The following P4HA2 variants were observed in gnomAD, a reference collection of about 807,000 sequenced individuals.
The protein encoded by P4HA2 is prolyl 4-hydroxylase subunit alpha 2, also known as prolyl 4-hydroxylase subunit alpha-2.
In P4HA2, 46 loss-of-function variants were observed where a neutral mutation model predicts 76.9. That is an observed-to-expected ratio of 0.60 (90% CI 0.47 to 0.76). The LOEUF (loss-of-function observed/expected upper bound fraction) is 0.76. Among genes scored for constraint, P4HA2 ranks in the 30% least tolerant of loss-of-function variants. The pLI is 0.00. For synonymous variants in P4HA2, 243 were observed against 254.0 expected (o/e 0.96, Z 0.41); for missense variants, 583 against 669.4 (o/e 0.87, Z 1.42).
chr5:132,201,892 C>T (rs1751544100), intron 10 of P4HA2: 2 of 152,390 alleles, frequency 1.3e-5, no homozygotes, highest in Non-Finnish European at 2.9e-5. Flanking sequence ...GTCTACTCAG[C>T]CTCTTGGTCC....
Position 132,209,305 on chromosome 5 carries a change from T to A in P4HA2, c.736A>T (p.Asn246Tyr), listed in dbSNP as rs758816951. 1.2e-6 allele frequency: 2 copies of A among 1,613,934 alleles called. No individual in the cohort carries two copies. Among genetic ancestry groups the A allele is most frequent in the East Asian group, 4.5e-5 (2 of 44,872 alleles). Residue 246 changes from asparagine (N) to tyrosine (Y), a missense_variant, in exon 7 of 15, where the codon AAT becomes TAT. Asn to Tyr is a moderately radical substitution (Grantham distance 143). Transcript: ENST00000360568. Reference protein sequence around the residue: ...LDPSHERAGGNLRYFEQLLEE... With the variant: ...LDPSHERAGGYLRYFEQLLEE... ...AATAACTGCTCAAAGTACCGCAGATTCCCTCCAGCTCGTTCGTGGCTTGGG... is the reference window on the plus strand; with the variant it reads ...AATAACTGCTCAAAGTACCGCAGATACCCTCCAGCTCGTTCGTGGCTTGGG...
chr5:132,224,104 T>C (rs2126640173), intron 1 of P4HA2, among the ~76,000 whole-genome samples: 1 of 152,334 alleles, frequency 6.6e-6, no homozygotes, highest in Middle Eastern at 3.4e-3. Context: ...ACATGGTCCC[T>C]TAAGTTCAGA....
At chr5:132,221,114 C>G (rs565239863) in intron 1 of P4HA2, among the ~76,000 whole-genome samples, 1 of 152,304 alleles carries the variant, frequency 6.6e-6, no homozygotes, top group South Asian at 2.1e-4. Flanking sequence ...GTGGGAAAGG[C>G]CAACCTCCAA....
chr5:132,227,643 T>C (rs1336384653), intron 1 of P4HA2, 147 bp downstream of exon 1: 2 of 152,672 alleles, frequency 1.3e-5, no homozygotes, highest in Non-Finnish European at 2.9e-5. Flanking sequence ...ACTGCGCTGC[T>C]GGCGGCTAGC....
chr5:132,201,582 C>T (rs904609083), intron 10 of P4HA2: 2 of 152,248 alleles, frequency 1.3e-5, no homozygotes, highest in South Asian at 2.1e-4. Context: ...AAGGAAATGT[C>T]GAGACAGTTC....
At position 132,217,300 on chromosome 5, in the gene P4HA2, A is replaced by G; in HGVS notation, c.228T>C (p.Ala76=). The part of the protein sequence containing the change: ...EALTSKSAAD[A]EGYLAHPVNA... ...TCACAGGGTGAGCCAGGTAGCCCTC[A>G]GCATCAGCAGCTGACTTGCTAGTCA... The change falls in exon 4 of 15, where the codon GCT becomes GCC. Residue 76 remains alanine (A), a synonymous_variant. Transcript: ENST00000360568. 1.2e-6 allele frequency: 2 copies of G among 1,614,204 alleles called. No individual in the cohort carries two copies. Among genetic ancestry groups the G allele is most frequent in the South Asian group, 1.1e-5 (1 of 91,090 alleles).
At chr5:132,211,453 A>G (rs1470106190) in intron 5 of P4HA2, among the ~76,000 whole-genome samples, 2 of 152,216 alleles carry the variant, frequency 1.3e-5, no homozygotes, top group Non-Finnish European at 2.9e-5. Context: ...GGCTGACACA[A>G]AAGAACTCAG....
In P4HA2 at chr5:132,198,937, G is replaced by T; in HGVS notation, c.1252-5C>A. 1 of 1,603,752 alleles carries T rather than the reference G, an allele frequency of 6.2e-7. No individual in the cohort carries two copies. On this transcript the variant is annotated splice_polypyrimidine_tract_variant and splice_region_variant and intron_variant, in intron 10 of 14. Transcript: ENST00000360568. The stretch of plus-strand genomic sequence containing the variant: ...TCCCACTCCATAATTTGCAACCTGT[G>T]GGAAATAACAGCATTAGACCTTGTA...
chr5:132,202,404 A>T (rs1344683661), intron 10 of P4HA2: 2 of 152,206 alleles, frequency 1.3e-5, no homozygotes, highest in Non-Finnish European at 2.9e-5. Context: ...AAGTTCAAAA[A>T]ATCTTTTCCA....
In P4HA2 at chr5:132,207,780, C is replaced by G. The variant is rs150137741; in HGVS notation, c.1008G>C (p.Pro336=). The stretch of plus-strand genomic sequence containing the variant: ...TGACATCGTAGTACCTGACGATGTG[C>G]GGGCTGTCCCACTCGTCCTCCTCTT... ...PFKEEDEWDS[P]HIVRYYDVMS... is the part of the protein sequence containing the mutation. Residue 336 remains proline (P), a synonymous_variant, in exon 8 of 15, where the codon CCG becomes CCC. Transcript: ENST00000360568. The G allele has an allele frequency of 6.2e-7, 1 of 1,613,666 alleles. No homozygotes were observed. The highest frequency in any genetic ancestry group is 2.2e-5 in the East Asian group (1 of 44,850).
chr5:132,224,368 G>A (rs1485450474), intron 1 of P4HA2, among the ~76,000 whole-genome samples: 1 of 152,218 alleles, frequency 6.6e-6, no homozygotes, highest in African/African-American at 2.4e-5. Context: ...AGGACTGAAT[G>A]TGATGACAGA....
chr5:132,193,051 G>T lies in P4HA2; in HGVS notation c.1561C>A (p.Gln521Lys). The change falls in exon 15 of 15, where the codon CAG becomes AAG. Residue 521 changes from glutamine to lysine, a missense_variant. By Grantham distance (53) the Gln-to-Lys change is moderately conservative. Coordinates refer to ENST00000360568, the MANE Select transcript of P4HA2 (RefSeq NM_001017974.2). The stretch of plus-strand genomic sequence containing the variant: ...GATCCACAAGGTCTCAAGAACTCCT[G>T]TCCTCGTTCATGGAACCACTTATTG... ...VSNKWFHERG[Q>K]EFLRPCGSTE... The T allele has an allele frequency of 6.2e-7, 1 of 1,613,026 alleles. No homozygotes were observed. Among genetic ancestry groups the T allele is most frequent in the Non-Finnish European group, 8.5e-7 (1 of 1,178,990 alleles).
intron 10 of P4HA2, chr5:132,199,321 T>C (rs945747540): frequency 4.0e-5 from 8 of 198,146 alleles, no homozygotes; most frequent in African/African-American, 1.9e-4. Context: ...GGAAAGTGAG[T>C]AACAAATTTA....
rs149540876 is a variant in P4HA2, at chr5:132,194,970, C to G, written c.1487G>C (p.Arg496Pro). ...NLLRSGEGDYRTRHAACPVLV... is the reference protein window; with the variant it reads ...NLLRSGEGDYPTRHAACPVLV... Reference sequence around the variant, plus strand: ...CACAGGGCAGGCAGCATGTCTTGTTCGGTAGTCACCTTCCCCGCTCCGCAA... The same window carrying G: ...CACAGGGCAGGCAGCATGTCTTGTTGGGTAGTCACCTTCCCCGCTCCGCAA... Residue 496 changes from arginine to proline, a missense_variant, in exon 14 of 15, where the codon CGA becomes CCA. Arg to Pro is a moderately radical substitution (Grantham distance 103, BLOSUM62 -2). Coordinates refer to ENST00000360568, the MANE Select transcript of P4HA2 (RefSeq NM_001017974.2). 23 of 1,613,714 alleles carry G rather than the reference C, an allele frequency of 1.4e-5. No homozygotes were observed. The Admixed American group carries it at 3.8e-4, about 27-fold the overall frequency.
chr5:132,201,950 G>C (rs1040824687), intron 10 of P4HA2: 2 of 152,202 alleles, frequency 1.3e-5, no homozygotes, highest in Non-Finnish European at 2.9e-5. Flanking sequence ...TCAGGACCAT[G>C]AAAGTCCTGA....
At chr5:132,205,243 G>C (rs1032918461) in intron 8 of P4HA2, among the ~76,000 whole-genome samples, 4 of 152,130 alleles carry the variant, frequency 2.6e-5, no homozygotes, top group African/African-American at 9.7e-5. Flanking sequence ...CCTAGCTGAG[G>C]CCTGAAGGGT....
chr5:132,218,865 C>T (rs1395970527), intron 1 of P4HA2, among the ~76,000 whole-genome samples: 2 of 152,150 alleles, frequency 1.3e-5, no homozygotes, highest in South Asian at 4.1e-4. Flanking sequence ...AGTCACGTGC[C>T]CTGCGGAGAG....
At chr5:132,193,383 C>A (rs1750138626) in intron 14 of P4HA2, 1 of 195,276 alleles carries the variant, frequency 5.1e-6, no homozygotes. Context: ...GCTCTATTCC[C>A]ATGGCAACCT....
At chr5:132,206,656 G>T (rs2126573040) in intron 8 of P4HA2, among the ~76,000 whole-genome samples, 1 of 152,154 alleles carries the variant, frequency 6.6e-6, no homozygotes, top group South Asian at 2.1e-4. Flanking sequence ...TTAAAACATG[G>T]CATATATACA....
Sources: allele counts gnomAD v4.1 joint callset (sites outside exome capture counted in the v4.1 genomes callset), GRCh38; gene constraint gnomAD v4.1.1; transcripts MANE v1.5; gene names NCBI Gene and HGNC (gene_info 2026-07-23, HGNC 2026-07-21).